Variants in SPAG17 observed in about 807,000 individuals in gnomAD.
The protein encoded by SPAG17 is sperm associated antigen 17, also known as sperm-associated antigen 17.
In SPAG17, 169 loss-of-function variants were observed where a neutral mutation model predicts 273.6. The ratio of observed to expected loss-of-function variants is 0.62; its 90% CI spans 0.55 to 0.70. The LOEUF (loss-of-function observed/expected upper bound fraction) is 0.70. SPAG17 is among the 30% of genes least tolerant of loss of function. The pLI is 0.00. For synonymous variants in SPAG17, 825 were observed against 873.2 expected, an observed-to-expected ratio of 0.94 and a Z score of 0.97; for missense variants, 2,557 against 2,627.8, an observed-to-expected ratio of 0.97 and a Z score of 0.59.
At position 118,154,468 on chromosome 1, in the gene SPAG17, C is replaced by T. The variant is rs74690969; in HGVS notation, c.88-3099G>A. 6.9e-3 allele frequency among the ~76,000 whole-genome samples: 1,055 copies of T among 152,188 alleles called. 12 individuals are homozygous for T. The highest frequency in any genetic ancestry group is 0.018 in the African/African-American group (731 of 41,542). On this transcript the variant is annotated intron_variant, in intron 1 of 48. Coordinates refer to ENST00000336338, the MANE Select transcript of SPAG17 (RefSeq NM_206996.4). ...TGTGCAATATTCAACTAATGAAGAA[C>T]AAGTCATTTCCCCATGTCTAATTGG...
chr1:118,030,324 T>C (rs1648292556), intron 25 of SPAG17, among the ~76,000 whole-genome samples: 1 of 152,154 alleles, frequency 6.6e-6, no homozygotes, highest in Non-Finnish European at 1.5e-5. Context: ...TGATTATTTG[T>C]ACACTGTACT....
intron 1 of SPAG17, among the ~76,000 whole-genome samples, chr1:118,154,559 G>A (rs1659552920): frequency 6.6e-6 from 1 of 151,750 alleles, no homozygotes; most frequent in Non-Finnish European, 1.5e-5. Context: ...AGTATTTCAG[G>A]GTAACCAGAG....
At chr1:118,000,971 C>G (rs1296084439) in intron 32 of SPAG17, among the ~76,000 whole-genome samples, 2 of 152,102 alleles carry the variant, frequency 1.3e-5, no homozygotes, top group African/African-American at 4.8e-5. Context: ...TCATAAATAG[C>G]TCTTATTATT....
At chr1:118,003,077 A>C (rs952613657) in intron 32 of SPAG17, among the ~76,000 whole-genome samples, 1 of 152,102 alleles carries the variant, frequency 6.6e-6, no homozygotes, top group Admixed American at 6.6e-5. Context: ...TTTCTCCTTC[A>C]CTTATGAAGC....
chr1:118,003,423 A>G (rs947334052), intron 32 of SPAG17, among the ~76,000 whole-genome samples: 1 of 152,136 alleles, frequency 6.6e-6, no homozygotes, highest in East Asian at 1.9e-4. Context: ...GTGTTTCCCA[A>G]CTTGGTTCCA....
intron 25 of SPAG17, among the ~76,000 whole-genome samples, chr1:118,028,671 T>C (rs551704229): frequency 2.0e-4 from 30 of 152,276 alleles, no homozygotes; most frequent in African/African-American, 7.2e-4. Context: ...GGAAAGGATT[T>C]GTGGAATAAT....
chr1:117,983,825 G>T lies in SPAG17; in HGVS notation c.5858C>A (p.Ser1953Tyr). 1 of 1,608,904 alleles carries T rather than the reference G, an allele frequency of 6.2e-7. No homozygotes were observed. Among genetic ancestry groups the T allele is most frequent in the Non-Finnish European group, 8.5e-7 (1 of 1,176,550 alleles). Reference sequence around the variant, plus strand: ...TAACATATTACCTAGATTAAGATCAGATGTATCTTGAACAGCTGTTTCGTT... The same window carrying T: ...TAACATATTACCTAGATTAAGATCATATGTATCTTGAACAGCTGTTTCGTT... ...DANETAVQDTSDLNLDFKPHK... is the reference protein window; with the variant it reads ...DANETAVQDTYDLNLDFKPHK... Residue 1953 changes from serine to tyrosine, a missense_variant, in exon 42 of 49, where the codon TCT becomes TAT. Coordinates refer to ENST00000336338, the MANE Select transcript of SPAG17 (RefSeq NM_206996.4).
intron 1 of SPAG17, among the ~76,000 whole-genome samples, chr1:118,160,101 T>C (rs1423157052): frequency 1.3e-5 from 2 of 152,184 alleles, no homozygotes; most frequent in African/African-American, 4.8e-5. Context: ...GGAGTCCTGC[T>C]AATTGCTCCA....
chr1:118,098,859 T>C (rs1655879739), intron 6 of SPAG17, among the ~76,000 whole-genome samples: 1 of 152,120 alleles, frequency 6.6e-6, no homozygotes, highest in Non-Finnish European at 1.5e-5. Flanking sequence ...AATTTAAAAA[T>C]GTAGTGTTAT....
chr1:118,174,575 G>A (rs143252830), intron 1 of SPAG17, among the ~76,000 whole-genome samples: 150 of 152,240 alleles, frequency 9.9e-4, no homozygotes, highest in Admixed American at 2.4e-3. Flanking sequence ...TATTGGTAAT[G>A]GTTAAAAGCA....
rs1248186345 is a variant in SPAG17, at chr1:117,996,631, T to C, written c.4889A>G (p.Asn1630Ser). 2 of 1,611,684 alleles carry C rather than the reference T, an allele frequency of 1.2e-6. No homozygotes were observed. The highest frequency in any genetic ancestry group is 1.7e-6 in the Non-Finnish European group (2 of 1,179,212). Residue 1630 changes from asparagine (N) to serine (S), a missense_variant, in exon 33 of 49, where the codon AAT (asparagine) becomes AGT (serine). Physicochemically the swap from Asn to Ser is conservative, Grantham distance 46. Coordinates refer to ENST00000336338, the MANE Select transcript of SPAG17 (RefSeq NM_206996.4). ...ATGTTCACCATAGATTTGCTGATGA[T>C]TCTTTTCAAGGTGCATAGAGGACAG... ...DSLSSMHLEKNHQQIYGEHVP... is the reference protein window; with the variant it reads ...DSLSSMHLEKSHQQIYGEHVP...
chr1:118,121,785 G>A (rs1657437050), intron 3 of SPAG17, among the ~76,000 whole-genome samples: 1 of 152,156 alleles, frequency 6.6e-6, no homozygotes, highest in Non-Finnish European at 1.5e-5. Flanking sequence ...TGTTTATTCA[G>A]ATTATTAAAA....
intron 6 of SPAG17, among the ~76,000 whole-genome samples, chr1:118,099,048 G>T (rs1476733979): frequency 6.6e-6 from 1 of 152,118 alleles, no homozygotes; most frequent in African/African-American, 2.4e-5. Context: ...CCCTTCAACA[G>T]AAGTCATCTA....
intron 48 of SPAG17, chr1:117,957,021 C>A: frequency 6.7e-7 from 1 of 1,489,166 alleles, no homozygotes; most frequent in South Asian, 1.4e-5. Context: ...ACCATGTTAA[C>A]AACGTTAACA....
At chr1:117,977,129 G>C (rs1655224735) in intron 43 of SPAG17, among the ~76,000 whole-genome samples, 1 of 149,254 alleles carries the variant, frequency 6.7e-6, no homozygotes, top group Non-Finnish European at 1.5e-5. Flanking sequence ...GGCCAACATA[G>C]TGAAACCCCG....
chr1:118,155,057 G>A (rs17037939), intron 1 of SPAG17, among the ~76,000 whole-genome samples: 8,955 of 152,096 alleles, frequency 0.059, 432 homozygotes, highest in East Asian at 0.27. Flanking sequence ...ATGACCTGGA[G>A]GCATGTATTG....
chr1:118,138,919 A>T (rs1658510374), intron 3 of SPAG17, among the ~76,000 whole-genome samples: 1 of 152,162 alleles, frequency 6.6e-6, no homozygotes, highest in African/African-American at 2.4e-5. Context: ...GATACCCCTC[A>T]GACATATGTG....
intron 17 of SPAG17, among the ~76,000 whole-genome samples, chr1:118,072,491 A>G (rs995828193): frequency 4.6e-5 from 7 of 152,210 alleles, no homozygotes; most frequent in African/African-American, 1.7e-4. Context: ...TATCACTAAT[A>G]CAATAAAACT....
rs1458380171 is a variant in SPAG17, at chr1:118,099,660, G to A, written c.775C>T (p.Gln259Ter). Residue 259 changes from glutamine to a stop codon, truncating the protein, a stop_gained, in exon 6 of 49, where the codon CAG becomes TAG. Transcript: ENST00000336338. LOFTEE classifies it high-confidence loss of function. The stretch of plus-strand genomic sequence containing the variant: ...TGGTTAACTGCTGCCAGGTGTGTCT[G>A]CAGAGGTTCATAATTCTCTGAAGAT... ...KISSENYEPLQTHLAAVNQQQ... is the reference protein window; with the variant it reads ...KISSENYEPL 6.2e-7 allele frequency: 1 copy of A among 1,613,994 alleles called. No individual in the cohort carries two copies. The highest frequency in any genetic ancestry group is 2.2e-5 in the East Asian group (1 of 44,900).
Sources: gnomAD v4.1 joint callset for allele counts (sites outside exome capture counted in the v4.1 genomes callset) on GRCh38, gnomAD v4.1.1 for gene constraint, MANE v1.5 for transcripts, NCBI Gene and HGNC (gene_info 2026-07-23, HGNC 2026-07-21) for gene names.